XPO1: variants seen among roughly 807,000 people sequenced by gnomAD.
XPO1 encodes exportin-1.
A neutral mutation model predicts 133.3 loss-of-function variants in XPO1; 5 were observed. The observed-to-expected ratio is 0.04, with a 90% CI of 0.02 to 0.08. The LOEUF (loss-of-function observed/expected upper bound fraction) is 0.08, where lower values mean the gene tolerates loss of function less well. Ranked by LOEUF, XPO1 falls within the 10% of genes least tolerant of loss-of-function variation. The probability of loss-of-function intolerance (pLI) is 1.00; values close to 1 mark genes in which losing one functional copy is unlikely to be tolerated. For synonymous variants in XPO1, 419 were observed against 408.2 expected (o/e 1.03, Z -0.32); for missense variants, 506 against 1,267.5 (o/e 0.40, Z 9.12).
chr2:61,498,333 A>T (rs550606958), intron 9 of XPO1, among the ~76,000 whole-genome samples: 1 of 152,198 alleles, frequency 6.6e-6, no homozygotes. Flanking sequence ...AAGCCATAAC[A>T]TGGTATCAAT....
At chr2:61,536,963 A>C (rs3771259) in intron 1 of XPO1, 27,548 of 152,214 alleles carry the variant, frequency 0.18, 3,029 homozygotes, top group African/African-American at 0.3. Flanking sequence ...ACCCCTGAAA[A>C]GGAACTACAA....
At chr2:61,526,566 T>C in intron 2 of XPO1, 45 bp from the exon 3 acceptor site, 1 of 1,407,736 alleles carries the variant, frequency 7.1e-7, no homozygotes, top group Non-Finnish European at 9.4e-7. Context: ...AATGTATTCT[T>C]TTGAATCATT....
chr2:61,518,655 A>G (rs961732851), intron 4 of XPO1, among the ~76,000 whole-genome samples: 4 of 151,994 alleles, frequency 2.6e-5, no homozygotes, highest in African/African-American at 7.2e-5. Context: ...AAAAAAAACC[A>G]AAGAAAAAAA....
chr2:61,500,578 C>CAAA (rs56213841), intron 6 of XPO1, among the ~76,000 whole-genome samples: 3 of 40,416 alleles, frequency 7.4e-5, no homozygotes, highest in East Asian at 6.5e-4. Context: ...GACTCCATCT[C>CAAA]AAAAAAAAAA....
At chr2:61,496,744 A>AAG in intron 10 of XPO1, 135 bp downstream of exon 10, 2 of 1,075,752 alleles carry the variant, frequency 1.9e-6, no homozygotes, top group South Asian at 2.6e-5. Flanking sequence ...TTTGTAGCTT[A>AAG]CTACAAATTT....
chr2:61,519,698 CAAAAAAAAAAA>C (rs753424450), intron 4 of XPO1, among the ~76,000 whole-genome samples: 1 of 72,772 alleles, frequency 1.4e-5, no homozygotes, highest in Non-Finnish European at 2.4e-5. Context: ...GACTCCGTCT[CAAAAAAAAAAA>C]AAAAAAAAAA....
intron 2 of XPO1, among the ~76,000 whole-genome samples, chr2:61,532,419 G>T (rs917682845): frequency 1.3e-5 from 2 of 151,260 alleles, no homozygotes; most frequent in East Asian, 3.9e-4. Flanking sequence ...GAGCCACCGC[G>T]CCCGGCCGGC....
At chr2:61,535,469 T>G (rs1323614163) in intron 1 of XPO1, among the ~76,000 whole-genome samples, 1 of 152,216 alleles carries the variant, frequency 6.6e-6, no homozygotes, top group Non-Finnish European at 1.5e-5. Context: ...TTCTTTACAT[T>G]ATATTTAGAC....
chr2:61,500,183 G>C (rs1028229739), intron 6 of XPO1, among the ~76,000 whole-genome samples: 4 of 152,120 alleles, frequency 2.6e-5, no homozygotes. Context: ...TGATAGATAT[G>C]TAGAAATTAT....
chr2:61,505,010 T>G lies in XPO1; in HGVS notation c.302-2700A>C, dbSNP rs559203311. 2.0e-5 allele frequency among the ~76,000 whole-genome samples: 3 copies of G among 152,344 alleles called. No homozygotes were observed. In the South Asian group the frequency reaches 6.2e-4, roughly 32 times the overall value. ...AATGAATAGGGAAATGGAAAATATA[T>G]TTTTTACATTTTGTTTTAGAGGCAG... On this transcript the variant is annotated intron_variant, in intron 4 of 24. Coordinates refer to ENST00000401558, the MANE Select transcript of XPO1 (RefSeq NM_003400.4).
Position 61,495,285 on chromosome 2 carries a change from G to A in XPO1, c.1047+170C>T, listed in dbSNP as rs530777863. Among the ~76,000 whole-genome samples, 417 of 152,118 alleles carry A rather than the reference G, an allele frequency of 2.7e-3. 1 individual carries two copies. Among genetic ancestry groups the A allele is most frequent in the African/African-American group, 9.4e-3 (391 of 41,510 alleles). ...TAGCTTTATGGAGAACATAAAATCA[G>A]AAAACTGGGCTTATAACTGTAATTC... is the stretch of plus-strand genomic sequence containing the variant. On this transcript the variant is annotated intron_variant, in intron 11 of 24. Transcript: ENST00000401558.
rs1207107322 is a variant in XPO1, at chr2:61,533,009, T to C, written c.126+763A>G. 6.6e-5 allele frequency among the ~76,000 whole-genome samples: 10 copies of C among 151,814 alleles called. No individual in the cohort carries two copies. The East Asian group carries it at 1.9e-3, about 29-fold the overall frequency. ...GCCTGGCCAACACGGTGAAACCCCA[T>C]CTCTACTAAAAATACAAAAATTAGC... On this transcript the variant is annotated intron_variant, in intron 2 of 24. Transcript: ENST00000401558.
chr2:61,512,957 G>A (rs984377871), intron 4 of XPO1, among the ~76,000 whole-genome samples: 4 of 152,068 alleles, frequency 2.6e-5, no homozygotes, highest in Non-Finnish European at 2.9e-5. Flanking sequence ...CCAAGATCGC[G>A]CCACTGTACT....
At chr2:61,484,374 GACT>G (rs1696566200) in intron 20 of XPO1, 1 of 343,282 alleles carries the variant, frequency 2.9e-6, no homozygotes, top group Non-Finnish European at 5.3e-6. Context: ...ATTACCATAA[GACT>G]ACTACTATCA....
intron 17 of XPO1, 90 bp downstream of exon 17, chr2:61,490,552 C>T (rs1696931196): frequency 1.9e-6 from 3 of 1,546,554 alleles, no homozygotes; most frequent in South Asian, 2.3e-5. Context: ...ATCACACATA[C>T]ATGTTAAAAG....
In XPO1 at chr2:61,482,893, G is replaced by GATT. The variant is rs1160870570; in HGVS notation, c.2812+61_2812+63dup. The GATT allele has an allele frequency of 3.8e-6, 6 of 1,597,050 alleles. No homozygotes were observed. The African/African-American group carries it at 8.1e-5, about 22-fold the overall frequency. On this transcript the variant is annotated intron_variant, in intron 22 of 24. Coordinates refer to ENST00000401558, the MANE Select transcript of XPO1 (RefSeq NM_003400.4). ...CCGCCTCGACCTCCCAAAGTGCTGG[G>GATT]ATTATAGGCGTGAGGCCCTGTGCCC...
intron 24 of XPO1, 68 bp from the exon 25 acceptor site, chr2:61,479,034 G>GAGCA (rs1479362974): frequency 1.7e-5 from 26 of 1,553,480 alleles, no homozygotes; most frequent in Non-Finnish European, 2.2e-5. Context: ...AATCATAGAT[G>GAGCA]AGCAATTTCC....
At chr2:61,488,804 TA>T in intron 17 of XPO1, 33 bp from the exon 18 acceptor site, 1 of 1,607,286 alleles carries the variant, frequency 6.2e-7, no homozygotes, top group Non-Finnish European at 8.5e-7. Context: ...CCATTTATCA[TA>T]TAAGAATTAT....
rs1168383377 is a variant in XPO1 at position 61,492,214 on chromosome 2, T to C, written c.1724-16A>G. 7 of 1,611,960 alleles carry C rather than the reference T, an allele frequency of 4.3e-6. No homozygotes were observed. In the East Asian group the frequency reaches 1.3e-4, roughly 31 times the overall value. On this transcript the variant is annotated splice_polypyrimidine_tract_variant and intron_variant, in intron 15 of 24. Transcript: ENST00000401558. This position sits in a 1 kb window ranked among gnomAD's most constrained non-coding sequence, Gnocchi z 5.6. Reference sequence around the variant, plus strand: ...TCATGGGTCTCTAACAAGACAAAAATATTCATTTATTTTGTCCTGGACTCC... The same window carrying C: ...TCATGGGTCTCTAACAAGACAAAAACATTCATTTATTTTGTCCTGGACTCC...
Sources: allele counts gnomAD v4.1 joint callset (sites outside exome capture counted in the v4.1 genomes callset), GRCh38; gene constraint gnomAD v4.1.1; non-coding constraint Gnocchi (gnomAD v3.1); transcripts MANE v1.5; gene names NCBI Gene and HGNC (gene_info 2026-07-23, HGNC 2026-07-21).